Variants in MAP4K4 observed in about 807,000 individuals in gnomAD.
The protein encoded by MAP4K4 is mitogen-activated protein kinase kinase kinase kinase 4.
A neutral mutation model predicts 189.6 loss-of-function variants in MAP4K4; 38 were observed. The ratio of observed to expected loss-of-function variants is 0.20; its 90% CI spans 0.15 to 0.26. The LOEUF (loss-of-function observed/expected upper bound fraction) is 0.26. Among genes scored for constraint, MAP4K4 ranks in the 10% least tolerant of loss-of-function variants. The pLI, the probability that MAP4K4 is intolerant of heterozygous loss-of-function variation, is 1.00. For missense variants in MAP4K4, 1,054 were observed against 1,726.9 expected (o/e 0.61, Z 6.91); for synonymous variants, 610 against 624.3 (o/e 0.98, Z 0.34).
chr2:101,862,864 C>T (rs982002486), intron 16 of MAP4K4, among the ~76,000 whole-genome samples: 2 of 152,136 alleles, frequency 1.3e-5, no homozygotes, highest in African/African-American at 2.4e-5. Flanking sequence ...AATTTCACAT[C>T]TTGTATTTGG....
At chr2:101,762,682 G>T (rs759610892) in intron 2 of MAP4K4, among the ~76,000 whole-genome samples, 2 of 152,182 alleles carry the variant, frequency 1.3e-5, no homozygotes, top group African/African-American at 2.4e-5. Flanking sequence ...CTAAATTGCT[G>T]TGAAGAAACC....
intron 2 of MAP4K4, among the ~76,000 whole-genome samples, chr2:101,712,115 A>G (rs2045943905): frequency 6.6e-6 from 1 of 151,348 alleles, no homozygotes; most frequent in Non-Finnish European, 1.5e-5. Flanking sequence ...ATGATATTAT[A>G]CCTTACTATG....
chr2:101,829,418 T>G (rs1339752694), intron 5 of MAP4K4, 86 bp from the exon 6 acceptor site: 3 of 842,030 alleles, frequency 3.6e-6, no homozygotes, highest in Non-Finnish European at 5.9e-6. Flanking sequence ...TTGGTCCACA[T>G]GTGCACTTTC....
At chr2:101,883,867 A>T (rs1432031271) in intron 28 of MAP4K4, among the ~76,000 whole-genome samples, 1 of 152,132 alleles carries the variant, frequency 6.6e-6, no homozygotes, top group Non-Finnish European at 1.5e-5. Context: ...GACAGTTCTA[A>T]TGATACGGGA....
intron 32 of MAP4K4, among the ~76,000 whole-genome samples, chr2:101,889,676 T>C (rs1331770414): frequency 6.6e-6 from 1 of 152,220 alleles, no homozygotes; most frequent in African/African-American, 2.4e-5. Flanking sequence ...GACAAAGGCA[T>C]GTCTGACTAC....
intron 12 of MAP4K4, among the ~76,000 whole-genome samples, chr2:101,849,814 T>A (rs115672259): frequency 1.4e-4 from 22 of 152,168 alleles, no homozygotes; most frequent in African/African-American, 5.1e-4. Context: ...GATGCTCACT[T>A]AAGCCCAGGA....
chr2:101,779,335 A>C (rs893298789), intron 2 of MAP4K4, among the ~76,000 whole-genome samples: 6 of 152,196 alleles, frequency 3.9e-5, no homozygotes, highest in Non-Finnish European at 7.3e-5. Flanking sequence ...TAGTCAGGGA[A>C]GGTGGTTAGA....
chr2:101,780,871 A>C, intron 2 of MAP4K4, among the ~76,000 whole-genome samples: 1 of 152,212 alleles, frequency 6.6e-6, no homozygotes, highest in East Asian at 1.9e-4. Flanking sequence ...TTGGCTGTTG[A>C]ATACTGTATT....
intron 16 of MAP4K4, 58 bp from the exon 17 acceptor site, chr2:101,863,763 A>G (rs1052443213): frequency 3.3e-6 from 4 of 1,227,958 alleles, no homozygotes; most frequent in Non-Finnish European, 3.3e-6. Context: ...GGTATTGACC[A>G]GAAAAGCCAG....
chr2:101,805,410 G>T (rs2094832404), intron 3 of MAP4K4, among the ~76,000 whole-genome samples: 1 of 152,160 alleles, frequency 6.6e-6, no homozygotes, highest in Admixed American at 6.5e-5. Flanking sequence ...TGTTTGTGAG[G>T]TCCACCCATA....
At chr2:101,825,899 T>A (rs558507182) in intron 5 of MAP4K4, among the ~76,000 whole-genome samples, 2 of 152,358 alleles carry the variant, frequency 1.3e-5, no homozygotes, top group South Asian at 4.1e-4. Context: ...ATGTTTAATA[T>A]TATTTACAGC....
chr2:101,822,015 C>G (rs1039800070), intron 3 of MAP4K4, among the ~76,000 whole-genome samples: 4 of 152,304 alleles, frequency 2.6e-5, no homozygotes, highest in South Asian at 4.1e-4. Flanking sequence ...AGTAGAAGGT[C>G]TTCAAGGGCA....
At chr2:101,707,329 C>T (rs2042859015) in intron 2 of MAP4K4, among the ~76,000 whole-genome samples, 1 of 151,530 alleles carries the variant, frequency 6.6e-6, no homozygotes, top group African/African-American at 2.4e-5. Flanking sequence ...TTGCCTCAGC[C>T]TCCCAAGTAG....
chr2:101,793,689 G>A (rs2093312690), intron 3 of MAP4K4, among the ~76,000 whole-genome samples: 1 of 151,586 alleles, frequency 6.6e-6, no homozygotes, highest in Non-Finnish European at 1.5e-5. Flanking sequence ...GTGAGAGGCA[G>A]TTACCAGGTC....
At chr2:101,810,874 T>G (rs1225395992) in intron 3 of MAP4K4, among the ~76,000 whole-genome samples, 2 of 152,208 alleles carry the variant, frequency 1.3e-5, no homozygotes, top group African/African-American at 4.8e-5. Flanking sequence ...TGTCCAAGGC[T>G]TACTATTGAG....
exon 33 of MAP4K4, chr2:101,894,170 C>T (rs947457569): frequency 7.9e-5 from 12 of 152,814 alleles, no homozygotes; most frequent in African/African-American, 2.4e-4. Flanking sequence ...CAAAATTACA[C>T]AAGAAAACAG....
intron 2 of MAP4K4, among the ~76,000 whole-genome samples, chr2:101,738,604 T>C (rs548928069): frequency 6.6e-6 from 1 of 152,256 alleles, no homozygotes; most frequent in Admixed American, 6.5e-5. Context: ...GGCCCAGTGA[T>C]TTTTTAAAGA....
intron 2 of MAP4K4, among the ~76,000 whole-genome samples, chr2:101,779,810 T>TC (rs552065471): frequency 1.9e-4 from 12 of 61,848 alleles, no homozygotes; most frequent in Non-Finnish European, 2.7e-4. Flanking sequence ...TTCACCTCTC[T>TC]TTTTTTTTTT....
In MAP4K4 at chr2:101,860,960, G is replaced by A. The variant is rs181612739; in HGVS notation, c.1840G>A (p.Ala614Thr). 41 of 1,601,820 alleles carry A rather than the reference G, an allele frequency of 2.6e-5. No individual in the cohort carries two copies. The highest frequency in any genetic ancestry group is 6.8e-5 in the East Asian group (3 of 44,444). The change falls in exon 16 of 33, where the codon GCC becomes ACC. Residue 614 changes from alanine to threonine, a missense_variant. By Grantham distance (58) the Ala-to-Thr change is moderately conservative. Around this residue, in one of 4 missense-constraint regions of MAP4K4, gnomAD observed 646 missense variants for 796.2 expected, o/e 0.81. Coordinates refer to ENST00000324219, the Ensembl canonical transcript of MAP4K4. ...TGGCAACTCCGAGTCTGTGCATCCC[G>A]CCCTGCAGAGACCAGCGGAGCCACA...
Sources: allele counts gnomAD v4.1 joint callset (sites outside exome capture counted in the v4.1 genomes callset), GRCh38; gene constraint gnomAD v4.1.1; regional missense constraint gnomAD v4.1.1; transcripts MANE v1.5; gene names NCBI Gene and HGNC (gene_info 2026-07-23, HGNC 2026-07-21).